The following ACTR3C variants were observed in gnomAD, a reference collection of about 807,000 sequenced individuals.
ACTR3C encodes actin-related protein 3C.
In ACTR3C, 18 loss-of-function variants were observed where a neutral mutation model predicts 26.3. The observed-to-expected ratio is 0.68, with a 90% CI of 0.47 to 1.01. The LOEUF (loss-of-function observed/expected upper bound fraction) is 1.01. Among genes scored for constraint, ACTR3C ranks in the 50% least tolerant of loss-of-function variants. The pLI, the probability that ACTR3C is intolerant of heterozygous loss-of-function variation, is 0.00. For synonymous variants in ACTR3C, 55 were observed against 94.5 expected (o/e 0.58, Z 2.42); for missense variants, 184 against 250.7 (o/e 0.73, Z 1.80).
At chr7:150,200,065 T>C in the ACTR3C span, among the ~76,000 whole-genome samples, 4 of 152,212 alleles carry the variant, frequency 2.6e-5, no homozygotes, top group South Asian at 8.3e-4. Flanking sequence ...AGCAAGTAAA[T>C]CAGAGCCATA....
At chr7:150,037,149 G>A in the ACTR3C span, among the ~76,000 whole-genome samples, 1 of 67,398 alleles carries the variant, frequency 1.5e-5, no homozygotes, top group Non-Finnish European at 3.4e-5. Flanking sequence ...CCTCGTGGGG[G>A]GTGCCTCCCC....
At chr7:150,151,097 C>T in the ACTR3C span, among the ~76,000 whole-genome samples, 1 of 109,214 alleles carries the variant, frequency 9.2e-6, no homozygotes, top group African/African-American at 3.3e-5. Flanking sequence ...TGCTTTTATT[C>T]TAATGATGAT....
At chr7:150,279,364 T>C (rs999780545) in intron 6 of ACTR3C, among the ~76,000 whole-genome samples, 1 of 152,252 alleles carries the variant, frequency 6.6e-6, no homozygotes, top group Non-Finnish European at 1.5e-5. Flanking sequence ...AACATGCTTC[T>C]CTAGTTTAAA....
chr7:150,087,623 C>T, the ACTR3C span, among the ~76,000 whole-genome samples: 5 of 152,172 alleles, frequency 3.3e-5, no homozygotes, highest in South Asian at 2.1e-4. Context: ...CAGAAATCAG[C>T]GAGTGAGCCC....
intron 3 of ACTR3C, among the ~76,000 whole-genome samples, chr7:150,291,706 T>A (rs948987596): frequency 2.6e-5 from 4 of 151,824 alleles, no homozygotes; most frequent in Non-Finnish European, 5.9e-5. Flanking sequence ...CCAAAGGGGG[T>A]GCAGGCCAGG....
chr7:150,030,451 G>A, the ACTR3C span, among the ~76,000 whole-genome samples: 1 of 151,972 alleles, frequency 6.6e-6, no homozygotes, highest in East Asian at 1.9e-4. Context: ...CTCTTCATGG[G>A]ACAGACACAG....
the ACTR3C span, among the ~76,000 whole-genome samples, chr7:150,034,775 AG>A: frequency 2.4e-5 from 3 of 124,224 alleles, no homozygotes; most frequent in African/African-American, 1.0e-4. Flanking sequence ...GCCCTAAGCC[AG>A]GGGGGGAAGA....
chr7:149,992,017 G>A, the ACTR3C span, among the ~76,000 whole-genome samples: 3 of 109,156 alleles, frequency 2.7e-5, 1 homozygote, highest in Non-Finnish European at 6.6e-5. Context: ...ACACAGAGGT[G>A]TGCTACCACT....
At chr7:150,196,175 T>C in the ACTR3C span, among the ~76,000 whole-genome samples, 1 of 152,258 alleles carries the variant, frequency 6.6e-6, no homozygotes, top group Admixed American at 6.5e-5. Flanking sequence ...AATTAATTCT[T>C]AGCCAATATT....
chr7:149,977,106 T>A, the ACTR3C span, among the ~76,000 whole-genome samples: 11 of 151,968 alleles, frequency 7.2e-5, no homozygotes, highest in South Asian at 2.3e-3. Context: ...TAAAATGAAC[T>A]CCACATCCCT....
the ACTR3C span, among the ~76,000 whole-genome samples, chr7:150,014,151 T>C: frequency 6.6e-6 from 1 of 151,816 alleles, no homozygotes; most frequent in South Asian, 2.1e-4. Flanking sequence ...CTAATCCAAC[T>C]AGTCAATTAA....
chr7:149,909,265 C>CA, the ACTR3C span, among the ~76,000 whole-genome samples: 2 of 135,202 alleles, frequency 1.5e-5, no homozygotes, highest in African/African-American at 5.9e-5. Context: ...TCATTTCCAC[C>CA]AAAAAAAAAA....
At chr7:150,186,456 T>G in the ACTR3C span, among the ~76,000 whole-genome samples, 1 of 152,174 alleles carries the variant, frequency 6.6e-6, no homozygotes, top group Non-Finnish European at 1.5e-5. Flanking sequence ...CATGTTTGTG[T>G]TATAATCCAA....
chr7:150,038,387 G>C, the ACTR3C span, among the ~76,000 whole-genome samples: 1 of 142,694 alleles, frequency 7.0e-6, no homozygotes, highest in Non-Finnish European at 1.5e-5. Flanking sequence ...TTGTCAGGTC[G>C]GGTGGGCTGC....
the ACTR3C span, among the ~76,000 whole-genome samples, chr7:149,894,375 CAAAA>C: frequency 6.6e-6 from 1 of 151,976 alleles, no homozygotes; most frequent in Admixed American, 6.6e-5. Context: ...GCACAGGTAA[CAAAA>C]ATAGATAACT....
At chr7:150,137,627 G>T in the ACTR3C span, among the ~76,000 whole-genome samples, 1 of 152,106 alleles carries the variant, frequency 6.6e-6, no homozygotes, top group Non-Finnish European at 1.5e-5. Flanking sequence ...TCGCTCAGGG[G>T]TCTTTAATAA....
intron 5 of ACTR3C, among the ~76,000 whole-genome samples, chr7:150,285,768 T>A (rs1835728315): frequency 6.6e-6 from 1 of 152,192 alleles, no homozygotes; most frequent in Admixed American, 6.5e-5. Context: ...GCATTATATG[T>A]AAATCTTAAA....
chr7:150,157,181 ATGT>A, the ACTR3C span, among the ~76,000 whole-genome samples: 1 of 150,474 alleles, frequency 6.6e-6, no homozygotes, highest in Non-Finnish European at 1.5e-5. Context: ...CTGCAGCATG[ATGT>A]TGTCAAAACA....
At chr7:150,275,531 C>T (rs1387495136) in intron 6 of ACTR3C, among the ~76,000 whole-genome samples, 2 of 151,906 alleles carry the variant, frequency 1.3e-5, no homozygotes, top group Non-Finnish European at 2.9e-5. Context: ...GCCAACATGG[C>T]GAAACCCCGT....
Sources: gnomAD v4.1 joint callset for allele counts (sites outside exome capture counted in the v4.1 genomes callset) on GRCh38, gnomAD v4.1.1 for gene constraint, MANE v1.5 for transcripts, NCBI Gene and HGNC (gene_info 2026-07-23, HGNC 2026-07-21) for gene names.